C16orf74: variants seen among roughly 807,000 people sequenced by gnomAD.
C16orf74 encodes the protein calcimembrin, also known as uncharacterized protein C16orf74.
In C16orf74, 10 loss-of-function variants were observed where a neutral mutation model predicts 6.5. That is an observed-to-expected ratio of 1.54 (90% CI 0.95 to 2.61). The LOEUF is 2.61. C16orf74 is among the 30% of genes most tolerant of loss of function. The probability of loss-of-function intolerance (pLI) is 0.00; values close to 1 mark genes in which losing one functional copy is unlikely to be tolerated. For missense variants in C16orf74, 141 were observed against 105.9 expected, an observed-to-expected ratio of 1.33 and a Z score of -1.45; for synonymous variants, 60 against 42.5, an observed-to-expected ratio of 1.41 and a Z score of -1.60.
At chr16:85,743,877 C>T (rs2054338813) in intron 1 of C16orf74, among the ~76,000 whole-genome samples, 1 of 151,960 alleles carries the variant, frequency 6.6e-6, no homozygotes, top group Admixed American at 6.6e-5. Flanking sequence ...CACAGTGAAA[C>T]CCCGTCTCTA....
chr16:85,741,852 T>C (rs1004449757), intron 1 of C16orf74, among the ~76,000 whole-genome samples: 2 of 152,164 alleles, frequency 1.3e-5, no homozygotes, highest in African/African-American at 4.8e-5. Flanking sequence ...TGGGACAGAG[T>C]TGTCACCATC....
In C16orf74 at chr16:85,734,744, C is replaced by T. The variant is rs539241451; in HGVS notation, c.28+446G>A. Among the ~76,000 whole-genome samples the T allele has an allele frequency of 4.6e-5, 7 of 152,354 alleles. No homozygotes were observed. In the South Asian group the frequency reaches 1.4e-3, roughly 32 times the overall value. On this transcript the variant is annotated intron_variant, in intron 2 of 3. Transcript: ENST00000284245. ...TGCCTTTGCTAACACCCACAACACC[C>T]TTCAGTGGTTTTGTGTCCTTCTAGA...
At chr16:85,711,209 G>A (rs1271775872) in intron 2 of C16orf74, among the ~76,000 whole-genome samples, 1 of 151,324 alleles carries the variant, frequency 6.6e-6, no homozygotes. Flanking sequence ...AGCTACTCAG[G>A]AGCTGAAGCA....
chr16:85,739,620 GA>G (rs895005685), intron 1 of C16orf74, among the ~76,000 whole-genome samples: 1 of 152,030 alleles, frequency 6.6e-6, no homozygotes, highest in African/African-American at 2.4e-5. Context: ...GCAACATGGC[GA>G]AACCCCATCT....
chr16:85,731,763 C>A lies in C16orf74; in HGVS notation c.28+3427G>T, dbSNP rs566633248. On this transcript the variant is annotated intron_variant, in intron 2 of 3. Coordinates refer to ENST00000284245, the MANE Select transcript of C16orf74 (RefSeq NM_206967.3). ...AGTGCAGTGGTGTGATCACAGCTCA[C>A]TGCAGCCTTGACTTCCTGGGCTCAA... 1.2e-3 allele frequency among the ~76,000 whole-genome samples: 177 copies of A among 152,018 alleles called. 1 individual carries two copies. Among genetic ancestry groups the A allele is most frequent in the African/African-American group, 4.0e-3 (167 of 41,448 alleles).
At chr16:85,743,682 G>C (rs12935298) in intron 1 of C16orf74, 39,608 of 152,114 alleles carry the variant, frequency 0.26, 5,426 homozygotes, top group Middle Eastern at 0.38. Context: ...ACTTTGGGAG[G>C]CTGAGGCGAG....
At chr16:85,722,455 C>T (rs2054092305) in intron 2 of C16orf74, among the ~76,000 whole-genome samples, 1 of 152,184 alleles carries the variant, frequency 6.6e-6, no homozygotes, top group Admixed American at 6.5e-5. Flanking sequence ...AGACTGAAGG[C>T]TGGGCTGGAT....
intron 2 of C16orf74, among the ~76,000 whole-genome samples, chr16:85,732,927 G>A (rs906205959): frequency 8.5e-5 from 13 of 152,116 alleles, no homozygotes; most frequent in Non-Finnish European, 1.9e-4. Flanking sequence ...CCAGCCCCAC[G>A]AGCCCTGATC....
chr16:85,739,568 G>C (rs886685362), intron 1 of C16orf74, among the ~76,000 whole-genome samples: 1 of 152,196 alleles, frequency 6.6e-6, no homozygotes, highest in Non-Finnish European at 1.5e-5. Flanking sequence ...AGGAGAGCAT[G>C]ACATACTGGT....
intron 1 of C16orf74, among the ~76,000 whole-genome samples, chr16:85,737,382 C>T (rs1019600266): frequency 6.6e-6 from 1 of 152,184 alleles, no homozygotes; most frequent in Non-Finnish European, 1.5e-5. Context: ...GCAGCCTCCG[C>T]ACATCACCCA....
chr16:85,714,337 A>G (rs2053998001), intron 2 of C16orf74, among the ~76,000 whole-genome samples: 2 of 150,188 alleles, frequency 1.3e-5, no homozygotes, highest in Admixed American at 1.3e-4. Flanking sequence ...TCACCTCCCC[A>G]CCTTCTGAAC....
chr16:85,711,242 G>A (rs1249700025), intron 2 of C16orf74, among the ~76,000 whole-genome samples: 4 of 151,194 alleles, frequency 2.6e-5, no homozygotes, highest in Non-Finnish European at 5.9e-5. Flanking sequence ...CTTAAACCCG[G>A]GAGGCAGAGG....
At chr16:85,715,049 C>G (rs76289562) in intron 2 of C16orf74, among the ~76,000 whole-genome samples, 6 of 150,520 alleles carry the variant, frequency 4.0e-5, no homozygotes, top group Non-Finnish European at 8.8e-5. Flanking sequence ...CCCAGCTACT[C>G]GGGAGGCTGA....
At chr16:85,714,443 G>T (rs1019779041) in intron 2 of C16orf74, among the ~76,000 whole-genome samples, 1 of 150,232 alleles carries the variant, frequency 6.7e-6, no homozygotes, top group East Asian at 2.0e-4. Flanking sequence ...TTTTTGAGAC[G>T]GAGTCTTGCT....
At chr16:85,718,589 G>A (rs894680910) in intron 2 of C16orf74, among the ~76,000 whole-genome samples, 3 of 152,166 alleles carry the variant, frequency 2.0e-5, no homozygotes, top group African/African-American at 7.2e-5. Context: ...GCAGAACTGG[G>A]GTAAATAACA....
In C16orf74 at chr16:85,721,495, T is replaced by A. The variant is rs1430287777; in HGVS notation, c.29-11188A>T. On this transcript the variant is annotated intron_variant, in intron 2 of 3. Coordinates refer to ENST00000284245, the MANE Select transcript of C16orf74 (RefSeq NM_206967.3). ...CTTCCATCGCATTTGAATCTCAGGT[T>A]AACAAATAGTTTTTTTAGTAGAGGC... Among the ~76,000 whole-genome samples, 13 of 152,330 alleles carry A rather than the reference T, an allele frequency of 8.5e-5. No individual in the cohort carries two copies. In the East Asian group the frequency reaches 2.5e-3, roughly 29 times the overall value.
chr16:85,727,450 T>C (rs1038909071), intron 2 of C16orf74, among the ~76,000 whole-genome samples: 4 of 152,024 alleles, frequency 2.6e-5, no homozygotes, highest in African/African-American at 9.7e-5. Context: ...CAACTAAATA[T>C]CATGTGGGAT....
chr16:85,743,227 C>T (rs2152066213), intron 1 of C16orf74: 1 of 152,324 alleles, frequency 6.6e-6, no homozygotes, highest in Non-Finnish European at 1.5e-5. Flanking sequence ...GATTCTACAT[C>T]TGTCTGAATA....
intron 2 of C16orf74, among the ~76,000 whole-genome samples, chr16:85,716,351 G>A (rs1450069335): frequency 7.0e-6 from 1 of 143,208 alleles, no homozygotes; most frequent in Non-Finnish European, 1.5e-5. Flanking sequence ...GGAGGGAGGA[G>A]GAAGAGGAGG....
Sources: allele counts gnomAD v4.1 joint callset (sites outside exome capture counted in the v4.1 genomes callset), GRCh38; gene constraint gnomAD v4.1.1; transcripts MANE v1.5; gene names NCBI Gene and HGNC (gene_info 2026-07-23, HGNC 2026-07-21).